Variants in PCDHA9 observed in about 807,000 individuals in gnomAD.
The protein encoded by PCDHA9 is protocadherin alpha-9.
A neutral mutation model predicts 62.0 loss-of-function variants in PCDHA9; 62 were observed. That is an observed-to-expected ratio of 1.00 (90% CI 0.81 to 1.23). The LOEUF is 1.23. PCDHA9 is among the 50% of genes most tolerant of loss of function. The pLI, the probability that PCDHA9 is intolerant of heterozygous loss-of-function variation, is 0.00. For missense variants in PCDHA9, 1,205 were observed against 1,249.8 expected (o/e 0.96, Z 0.54); for synonymous variants, 557 against 567.6 (o/e 0.98, Z 0.27).
At chr5:140,986,694 C>T (rs556228464) in intron 3 of PCDHA9, among the ~76,000 whole-genome samples, 1 of 152,266 alleles carries the variant, frequency 6.6e-6, no homozygotes, top group South Asian at 2.1e-4. Context: ...TTTCAAAACA[C>T]ACAGCACTGC....
intron 1 of PCDHA9, among the ~76,000 whole-genome samples, chr5:140,954,317 G>A (rs571385484): frequency 2.6e-5 from 4 of 152,292 alleles, no homozygotes; most frequent in East Asian, 3.9e-4. Context: ...GGATTGCTGC[G>A]TCAAATGGTA....
intron 1 of PCDHA9, chr5:140,870,855 G>A: frequency 6.2e-7 from 1 of 1,613,910 alleles, no homozygotes; most frequent in Non-Finnish European, 8.5e-7. Flanking sequence ...CGCGGTCGGT[G>A]GGTGCGGGCC....
intron 3 of PCDHA9, among the ~76,000 whole-genome samples, chr5:141,000,361 G>GTCTCTCTCTC (rs148596731): frequency 1.1e-4 from 3 of 26,446 alleles, no homozygotes; most frequent in East Asian, 1.6e-3. Context: ...GTCTCTCTCT[G>GTCTCTCTCTC]TCTCTCTCTC....
chr5:140,977,923 C>T (rs573696974), intron 1 of PCDHA9, among the ~76,000 whole-genome samples: 2 of 151,828 alleles, frequency 1.3e-5, no homozygotes, highest in Admixed American at 1.3e-4. Flanking sequence ...TTTTTTCATT[C>T]AACTATACCT....
chr5:140,998,547 A>C (rs1173862918), intron 3 of PCDHA9, among the ~76,000 whole-genome samples: 4 of 150,288 alleles, frequency 2.7e-5, no homozygotes, highest in African/African-American at 9.8e-5. Flanking sequence ...TCCTAATTTA[A>C]TGTCTAATTT....
At chr5:140,920,842 A>G (rs1377558160) in intron 1 of PCDHA9, among the ~76,000 whole-genome samples, 1 of 127,576 alleles carries the variant, frequency 7.8e-6, no homozygotes, top group Non-Finnish European at 1.7e-5. Flanking sequence ...GACCAAATCT[A>G]AAAAAAAAAA....
At chr5:140,870,135 T>C (rs781798788) in intron 1 of PCDHA9, 1 of 1,614,000 alleles carries the variant, frequency 6.2e-7, no homozygotes, top group Non-Finnish European at 8.5e-7. Context: ...ACACCAACGA[T>C]AACTCTCCTG....
intron 1 of PCDHA9, among the ~76,000 whole-genome samples, chr5:140,892,860 T>C (rs1554185404): frequency 6.6e-6 from 1 of 152,158 alleles, no homozygotes; most frequent in Non-Finnish European, 1.5e-5. Flanking sequence ...ATTCCTCCTG[T>C]GTAGCTATAA....
chr5:140,882,739 A>C (rs781997612), intron 1 of PCDHA9: 1 of 1,614,142 alleles, frequency 6.2e-7, no homozygotes, highest in East Asian at 2.2e-5. Flanking sequence ...TAGATGGCGC[A>C]TCCGATGCAG....
At chr5:141,008,428 T>C (rs2098376052) in intron 3 of PCDHA9, among the ~76,000 whole-genome samples, 1 of 152,182 alleles carries the variant, frequency 6.6e-6, no homozygotes, top group Admixed American at 6.5e-5. Flanking sequence ...TGGGATCACT[T>C]TGCCCAGACA....
chr5:140,927,848 G>T (rs1295513512), intron 1 of PCDHA9: 2 of 1,614,180 alleles, frequency 1.2e-6, no homozygotes, highest in Middle Eastern at 3.3e-4. Context: ...GGTGTCTTTG[G>T]TTTAGCTAGC....
chr5:140,903,301 A>G (rs575233990), intron 1 of PCDHA9, among the ~76,000 whole-genome samples: 1 of 152,302 alleles, frequency 6.6e-6, no homozygotes, highest in East Asian at 1.9e-4. Context: ...GAAATTTAGT[A>G]TACAATAAAG....
chr5:140,995,113 A>T (rs560699104), intron 3 of PCDHA9, among the ~76,000 whole-genome samples: 1 of 152,370 alleles, frequency 6.6e-6, no homozygotes, highest in East Asian at 1.9e-4. Flanking sequence ...CAAGACCCTC[A>T]GTGGATGCCT....
intron 1 of PCDHA9, among the ~76,000 whole-genome samples, chr5:140,976,863 T>G (rs116630325): frequency 0.028 from 4,205 of 152,320 alleles, 87 homozygotes; most frequent in Non-Finnish European, 0.044. Flanking sequence ...GAGTTTACTG[T>G]CTGACAAAGA....
At chr5:140,971,640 A>G (rs2096489850) in intron 1 of PCDHA9, among the ~76,000 whole-genome samples, 1 of 152,184 alleles carries the variant, frequency 6.6e-6, no homozygotes, top group Non-Finnish European at 1.5e-5. Context: ...CCATGTGCCT[A>G]CATTAAAAGT....
intron 1 of PCDHA9, chr5:140,877,460 C>T: frequency 6.2e-7 from 1 of 1,613,840 alleles, no homozygotes; most frequent in Non-Finnish European, 8.5e-7. Context: ...ACGTCCACGG[C>T]CACGGTGCTG....
In PCDHA9 at chr5:140,849,756, T is replaced by C. The variant is rs1554143259; in HGVS notation, c.1261T>C (p.Tyr421His). 2 of 1,598,354 alleles carry C rather than the reference T, an allele frequency of 1.3e-6. No individual in the cohort carries two copies. Among genetic ancestry groups the C allele is most frequent in the Admixed American group, 1.7e-5 (1 of 59,270 alleles). ...TCTGGACCGCGAGAGTGTGTCCGCC[T>C]ACGAGCTGGTGGTTACCGCGCGGGA... The part of the protein sequence containing the change: ...RALDRESVSA[Y>H]ELVVTARDGG... Residue 421 changes from tyrosine (Y) to histidine (H), a missense_variant, in exon 1 of 4, where the codon TAC (tyrosine) becomes CAC (histidine). Physicochemically the swap from Tyr to His is moderately conservative, Grantham distance 83 (BLOSUM62 2). Transcript: ENST00000532602.
At chr5:140,882,160 C>G (rs2058982745) in intron 1 of PCDHA9, 8 of 1,509,868 alleles carry the variant, frequency 5.3e-6, no homozygotes, top group Non-Finnish European at 7.1e-6. Flanking sequence ...CGGAATACCT[C>G]TTGCGAATCC....
intron 1 of PCDHA9, among the ~76,000 whole-genome samples, chr5:140,978,500 G>T (rs1480843119): frequency 2.0e-5 from 3 of 152,228 alleles, no homozygotes; most frequent in Non-Finnish European, 2.9e-5. Context: ...GCAGCAGATT[G>T]CAGTCCTCTG....
Sources: gnomAD v4.1 joint callset for allele counts (sites outside exome capture counted in the v4.1 genomes callset) on GRCh38, gnomAD v4.1.1 for gene constraint, MANE v1.5 for transcripts, NCBI Gene and HGNC (gene_info 2026-07-23, HGNC 2026-07-21) for gene names.